Variants in KLHL14 observed in about 807,000 individuals in gnomAD.
The protein encoded by KLHL14 is kelch-like protein 14.
Under a neutral mutation model 64.3 loss-of-function variants are expected in KLHL14, and 22 were observed. The observed-to-expected ratio is 0.34, with a 90% CI of 0.24 to 0.49. The LOEUF is 0.49. Among genes scored for constraint, KLHL14 ranks in the 20% least tolerant of loss-of-function variants. The pLI is 0.99. For missense variants in KLHL14, 661 were observed against 789.0 expected (o/e 0.84, Z 1.94); for synonymous variants, 322 against 333.4 (o/e 0.97, Z 0.37).
intron 2 of KLHL14, among the ~76,000 whole-genome samples, chr18:32,762,490 ACC>A (rs1319882090): frequency 1.3e-5 from 2 of 151,544 alleles, no homozygotes. Flanking sequence ...TTTTCTCATT[ACC>A]CTATAATTTA....
At chr18:32,687,589 T>C (rs1381044772) in intron 4 of KLHL14, among the ~76,000 whole-genome samples, 4 of 152,218 alleles carry the variant, frequency 2.6e-5, no homozygotes, top group Non-Finnish European at 1.5e-5. Flanking sequence ...TAAGTTATTG[T>C]CTGTAAATTA....
At chr18:32,746,473 C>CAA (rs1475989857) in intron 2 of KLHL14, among the ~76,000 whole-genome samples, 1 of 152,156 alleles carries the variant, frequency 6.6e-6, no homozygotes, top group Non-Finnish European at 1.5e-5. Flanking sequence ...CTGGTGTAAA[C>CAA]AAATTTTTCA....
At chr18:32,715,889 C>T (rs1360273919) in intron 3 of KLHL14, among the ~76,000 whole-genome samples, 2 of 152,078 alleles carry the variant, frequency 1.3e-5, no homozygotes, top group Non-Finnish European at 2.9e-5. Flanking sequence ...GGCCCTTGAG[C>T]TGAGAAGAGC....
chr18:32,770,442 C>T lies in KLHL14; in HGVS notation c.150G>A (p.Val50=), dbSNP rs143489425. Residue 50 remains valine, a synonymous_variant, in exon 2 of 9, where the codon GTG becomes GTA. Coordinates refer to ENST00000359358, the MANE Select transcript of KLHL14 (RefSeq NM_020805.3). The surrounding 1 kb of genome is among the most constrained non-coding windows in gnomAD (Gnocchi z 6.7). ...GGAAGTACTGCGAGCAGGAGGCCAG[C>T]ACGGCCTTGTGGCAATGGAACTGCT... The part of the protein sequence containing the change: ...QGQQFHCHKA[V]LASCSQYFRS... The T allele has an allele frequency of 2.5e-6, 4 of 1,611,854 alleles. No individual in the cohort carries two copies. In the African/African-American group the frequency reaches 5.3e-5, roughly 22 times the overall value.
chr18:32,771,880 AC>A (rs985121438), intron 1 of KLHL14, among the ~76,000 whole-genome samples: 22 of 149,814 alleles, frequency 1.5e-4, no homozygotes, highest in Middle Eastern at 3.5e-3. Flanking sequence ...CTCCCTTCTG[AC>A]CCCCTCGGTA....
At chr18:32,719,118 T>C (rs28564043) in intron 3 of KLHL14, among the ~76,000 whole-genome samples, 7,912 of 152,272 alleles carry the variant, frequency 0.052, 622 homozygotes, top group African/African-American at 0.18. Context: ...CTGGGTAATT[T>C]TGTATTTTTA....
At chr18:32,685,062 C>T (rs996724015) in intron 5 of KLHL14, among the ~76,000 whole-genome samples, 2 of 151,998 alleles carry the variant, frequency 1.3e-5, no homozygotes, top group Non-Finnish European at 2.9e-5. Flanking sequence ...ACTTCTTTTA[C>T]CAGGGACCTG....
chr18:32,724,672 A>T (rs2050098210), intron 3 of KLHL14, among the ~76,000 whole-genome samples: 1 of 152,212 alleles, frequency 6.6e-6, no homozygotes, highest in Non-Finnish European at 1.5e-5. Flanking sequence ...TCTTGTGTAT[A>T]GAAGTTCTTC....
chr18:32,749,461 TTAAA>T (rs1389231092), intron 2 of KLHL14, among the ~76,000 whole-genome samples: 6 of 152,154 alleles, frequency 3.9e-5, no homozygotes, highest in Non-Finnish European at 2.9e-5. Flanking sequence ...GTTGTAAGGG[TTAAA>T]TAAAGTCATT....
rs966723248 is a variant in KLHL14 at position 32,770,890 on chromosome 18, C to T, written c.-43-256G>A. 4.3e-6 allele frequency: 2 copies of T among 467,186 alleles called. No homozygotes were observed. Among genetic ancestry groups the T allele is most frequent in the Non-Finnish European group, 7.8e-6 (2 of 255,082 alleles). The allele number at this position is 467,186 out of a possible 1,614,324, so 28.9% of individuals were successfully genotyped here. A position where few individuals can be genotyped will look rare whatever the true frequency, so the allele number is the denominator to read the frequency against. ...TTCTGCGCCCTGCGGCTCCTCTCGC[C>T]ACCTCCCACACACTTCGTCCCTCAC... On this transcript the variant is annotated intron_variant, in intron 1 of 8. Transcript: ENST00000359358. This position sits in a 1 kb window ranked among gnomAD's most constrained non-coding sequence, Gnocchi z 6.7.
intron 2 of KLHL14, among the ~76,000 whole-genome samples, chr18:32,762,655 G>A (rs957876198): frequency 2.6e-5 from 4 of 152,030 alleles, no homozygotes; most frequent in African/African-American, 9.7e-5. Flanking sequence ...TGTATCATCT[G>A]TACTACAACA....
intron 2 of KLHL14, among the ~76,000 whole-genome samples, chr18:32,756,493 A>G (rs1252314211): frequency 6.6e-6 from 1 of 152,182 alleles, no homozygotes; most frequent in Admixed American, 6.5e-5. Flanking sequence ...TAATAGGTCA[A>G]AAGAATGACT....
At chr18:32,707,291 C>A (rs1158110854) in intron 3 of KLHL14, among the ~76,000 whole-genome samples, 5 of 152,356 alleles carry the variant, frequency 3.3e-5, no homozygotes, top group Non-Finnish European at 2.9e-5. Context: ...CCACACCCTC[C>A]TCTAGCTGTA....
At chr18:32,733,930 G>T in intron 3 of KLHL14, 1 of 535,780 alleles carries the variant, frequency 1.9e-6, no homozygotes, top group South Asian at 2.4e-5. Context: ...TGCATTATGT[G>T]TGAGGGACCA....
chr18:32,755,904 C>A (rs1016004326), intron 2 of KLHL14, among the ~76,000 whole-genome samples: 1 of 152,118 alleles, frequency 6.6e-6, no homozygotes, highest in African/African-American at 2.4e-5. Context: ...ACTGGAAGAG[C>A]TATTTATACA....
intron 4 of KLHL14, among the ~76,000 whole-genome samples, chr18:32,689,655 T>G (rs2049897278): frequency 1.3e-5 from 2 of 152,098 alleles, no homozygotes; most frequent in Admixed American, 1.3e-4. Context: ...TGTTTGGTTG[T>G]TTTCAAAGTT....
intron 3 of KLHL14, among the ~76,000 whole-genome samples, chr18:32,731,060 TA>T (rs1354253991): frequency 6.6e-6 from 1 of 152,088 alleles, no homozygotes. Context: ...CGGAAACACT[TA>T]ATGAATAGAA....
At chr18:32,725,543 C>G (rs760943410) in intron 3 of KLHL14, among the ~76,000 whole-genome samples, 15 of 152,182 alleles carry the variant, frequency 9.9e-5, no homozygotes, top group Non-Finnish European at 1.8e-4. Flanking sequence ...GAGCCAATGT[C>G]TGGTCCCCTT....
In KLHL14 at chr18:32,695,285, C is replaced by T. The variant is rs547457878; in HGVS notation, c.1159+178G>A. 5.4e-4 allele frequency among the ~76,000 whole-genome samples: 82 copies of T among 152,226 alleles called. No homozygotes were observed. The South Asian group carries it at 5.8e-3, about 11-fold the overall frequency. On this transcript the variant is annotated intron_variant, in intron 4 of 8. Transcript: ENST00000359358. ...AGTGATCGCTCTGCTACACATGTCC[C>T]CAGTTAGCTCAATGATTGACCCTCT...
Sources: allele counts gnomAD v4.1 joint callset (sites outside exome capture counted in the v4.1 genomes callset), GRCh38; gene constraint gnomAD v4.1.1; non-coding constraint Gnocchi (gnomAD v3.1); transcripts MANE v1.5; gene names NCBI Gene and HGNC (gene_info 2026-07-23, HGNC 2026-07-21).